Variants in MAMLD1 observed in about 807,000 individuals in gnomAD.
The protein encoded by MAMLD1 is mastermind like domain containing 1.
Under a neutral mutation model 45.0 loss-of-function variants are expected in MAMLD1, and 14 were observed. The ratio of observed to expected loss-of-function variants is 0.31; its 90% confidence interval spans 0.21 to 0.49. The LOEUF (loss-of-function observed/expected upper bound fraction) is 0.49, where lower values mean the gene tolerates loss of function less well. MAMLD1 is among the 20% of genes least tolerant of loss of function. The pLI, the probability that MAMLD1 is intolerant of heterozygous loss-of-function variation, is 0.99. For synonymous variants in MAMLD1, 254 were observed against 247.8 expected, an observed-to-expected ratio of 1.02 and a Z score of -0.24; for missense variants, 543 against 603.6, an observed-to-expected ratio of 0.90 and a Z score of 1.05.
chrX:150,484,640 G>A (rs2036928896), intron 5 of MAMLD1, among the ~76,000 whole-genome samples: 1 of 112,580 alleles, frequency 8.9e-6, no homozygotes, highest in Non-Finnish European at 1.9e-5. Context: ...TGCACTGCAA[G>A]AGGCAAGATT....
chrX:150,368,816 G>A (rs188436511), intron 1 of MAMLD1, among the ~76,000 whole-genome samples: 259 of 112,126 alleles, frequency 2.3e-3, no homozygotes, highest in Non-Finnish European at 2.9e-3. Context: ...TATTAAATAG[G>A]GAATCCTTTC....
intron 1 of MAMLD1, among the ~76,000 whole-genome samples, chrX:150,421,799 C>T (rs2034525933): frequency 8.9e-6 from 1 of 112,231 alleles, no homozygotes; most frequent in Non-Finnish European, 1.9e-5. Context: ...GATTGCTTTG[C>T]TTGAAATCTG....
chrX:150,364,027 G>C (rs890568227), intron 1 of MAMLD1, among the ~76,000 whole-genome samples: 39 of 113,142 alleles, frequency 3.4e-4, no homozygotes, highest in African/African-American at 9.3e-4. Context: ...GCCTCTGAGC[G>C]AGAGTGTGGA....
intron 2 of MAMLD1, among the ~76,000 whole-genome samples, chrX:150,448,633 C>G (rs1242518323): frequency 8.9e-6 from 1 of 111,987 alleles, no homozygotes; most frequent in Non-Finnish European, 1.9e-5. Flanking sequence ...GGGCATCTAC[C>G]CAAGGTTAAT....
Position 150,512,792 on chromosome X carries a change from C to T in MAMLD1, c.*833C>T. On this transcript the variant is annotated 3_prime_UTR_variant, in exon 8 of 8. Coordinates refer to ENST00000370401, the MANE Select transcript of MAMLD1 (RefSeq NM_005491.5). Reference sequence around the variant, plus strand: ...TGCTGCTTCTGCCGTTGCTGCCAGCCAGTTCCCAGGTCCGTTCGACAGAAC... The same window carrying T: ...TGCTGCTTCTGCCGTTGCTGCCAGCTAGTTCCCAGGTCCGTTCGACAGAAC... 8.7e-7 allele frequency: 1 copy of T among 1,155,867 alleles called. No individual in the cohort carries two copies. The highest frequency in any genetic ancestry group is 1.1e-6 in the Non-Finnish European group (1 of 872,772).
chrX:150,375,257 G>A (rs1315892276), intron 1 of MAMLD1, among the ~76,000 whole-genome samples: 52 of 111,717 alleles, frequency 4.7e-4, no homozygotes, highest in Non-Finnish European at 3.6e-4. Context: ...TGTTGATCCT[G>A]TGCACCTTCC....
chrX:150,415,742 C>G (rs1452402449), intron 1 of MAMLD1, among the ~76,000 whole-genome samples: 1 of 112,162 alleles, frequency 8.9e-6, no homozygotes, highest in Non-Finnish European at 1.9e-5. Context: ...AAGTAACATG[C>G]CTTTCAAGCT....
At chrX:150,468,548 C>T (rs1297290777) in intron 3 of MAMLD1, among the ~76,000 whole-genome samples, 5 of 111,704 alleles carry the variant, frequency 4.5e-5, no homozygotes, top group Non-Finnish European at 9.4e-5. Flanking sequence ...TACTCCTTTG[C>T]CCCCACTTCC....
chrX:150,472,165 A>G (rs2036450659), intron 4 of MAMLD1, among the ~76,000 whole-genome samples: 2 of 111,730 alleles, frequency 1.8e-5, no homozygotes, highest in South Asian at 7.5e-4. Context: ...TCTTGAAATT[A>G]CTTTTGACTT....
At chrX:150,453,061 C>T (rs1258586178) in intron 2 of MAMLD1, among the ~76,000 whole-genome samples, 1 of 110,837 alleles carries the variant, frequency 9.0e-6, no homozygotes, top group African/African-American at 3.3e-5. Context: ...TTTTCTGCTC[C>T]AGAAAGGTTG....
chrX:150,490,518 C>A (rs2037150900), intron 5 of MAMLD1, among the ~76,000 whole-genome samples: 1 of 112,403 alleles, frequency 8.9e-6, no homozygotes, highest in African/African-American at 3.2e-5. Context: ...GGAGTTGGGG[C>A]AGACTGGAGA....
At chrX:150,411,749 A>G (rs2034128760) in intron 1 of MAMLD1, among the ~76,000 whole-genome samples, 1 of 111,287 alleles carries the variant, frequency 9.0e-6, no homozygotes, top group South Asian at 3.8e-4. Context: ...GCTGCCAAGG[A>G]CACTTTCTCT....
intron 1 of MAMLD1, among the ~76,000 whole-genome samples, chrX:150,418,059 A>G (rs2034328126): frequency 9.0e-6 from 1 of 110,638 alleles, no homozygotes; most frequent in Non-Finnish European, 1.9e-5. Context: ...CTGTGAATCC[A>G]TCTGGTCCTG....
chrX:150,411,977 AC>A (rs2034134741), intron 1 of MAMLD1, among the ~76,000 whole-genome samples: 1 of 112,243 alleles, frequency 8.9e-6, no homozygotes, highest in Non-Finnish European at 1.9e-5. Flanking sequence ...ATGATCGAGA[AC>A]CATATTTTTA....
intron 1 of MAMLD1, among the ~76,000 whole-genome samples, chrX:150,367,174 T>G (rs1483073495): frequency 9.3e-6 from 1 of 107,948 alleles, no homozygotes; most frequent in African/African-American, 3.4e-5. Flanking sequence ...TCTGTTTTCC[T>G]GCCACTGACG....
intron 4 of MAMLD1, among the ~76,000 whole-genome samples, chrX:150,473,312 C>A (rs1602942317): frequency 8.9e-6 from 1 of 112,496 alleles, no homozygotes; most frequent in Non-Finnish European, 1.9e-5. Flanking sequence ...CCATTTCCCA[C>A]TGTGCCTCCC....
intron 1 of MAMLD1, among the ~76,000 whole-genome samples, chrX:150,367,075 T>C (rs1342314919): frequency 3.9e-5 from 2 of 51,138 alleles, no homozygotes; most frequent in African/African-American, 1.6e-4. Context: ...GGGTGGGGGG[T>C]GGGGAAGAGT....
chrX:150,483,785 T>C (rs1557407457), intron 5 of MAMLD1, among the ~76,000 whole-genome samples: 3 of 112,813 alleles, frequency 2.7e-5, no homozygotes, highest in African/African-American at 9.7e-5. Context: ...GTTGTTGTCG[T>C]CATTTAATGC....
At chrX:150,414,944 T>C (rs2034212826) in intron 1 of MAMLD1, among the ~76,000 whole-genome samples, 1 of 111,243 alleles carries the variant, frequency 9.0e-6, no homozygotes, top group Non-Finnish European at 1.9e-5. Context: ...GTATCCAGGC[T>C]CTTGAGACAC....
Sources: allele counts gnomAD v4.1 joint callset (sites outside exome capture counted in the v4.1 genomes callset), GRCh38; gene constraint gnomAD v4.1.1; transcripts MANE v1.5; gene names NCBI Gene and HGNC (gene_info 2026-07-23, HGNC 2026-07-21).